Variants in NOXRED1 observed in about 807,000 individuals in gnomAD.
NOXRED1 encodes NADP-dependent oxidoreductase domain-containing protein 1.
In NOXRED1, 20 loss-of-function variants were observed where a neutral mutation model predicts 30.4. That is an observed-to-expected ratio of 0.66 (90% confidence interval 0.46 to 0.96). NOXRED1 has a LOEUF of 0.96. Among genes scored for constraint, NOXRED1 ranks in the 40% least tolerant of loss-of-function variants. The pLI is 0.00. For missense variants in NOXRED1, 374 were observed against 428.0 expected (o/e 0.87, Z 1.11); for synonymous variants, 155 against 168.0 (o/e 0.92, Z 0.60).
chr14:77,405,558 T>A (rs1464661090), intron 5 of NOXRED1, among the ~76,000 whole-genome samples: 2 of 152,220 alleles, frequency 1.3e-5, no homozygotes, highest in African/African-American at 4.8e-5. Context: ...ATGAAGTAGC[T>A]ATGATTGTAC....
intron 2 of NOXRED1, among the ~76,000 whole-genome samples, chr14:77,413,288 G>T (rs940686153): frequency 1.3e-5 from 2 of 150,392 alleles, no homozygotes; most frequent in African/African-American, 4.9e-5. Flanking sequence ...CTCCAGGCTG[G>T]AGTGCAGTGG....
intron 2 of NOXRED1, 114 bp from the exon 3 acceptor site, chr14:77,407,759 T>A (rs1475098695): frequency 1.4e-6 from 1 of 707,876 alleles, no homozygotes; most frequent in African/African-American, 1.8e-5. Context: ...CCCATCTTAT[T>A]GCTCCATAAA....
At chr14:77,411,469 CA>C (rs368123770) in intron 2 of NOXRED1, among the ~76,000 whole-genome samples, 1,355 of 97,542 alleles carry the variant, frequency 0.014, 7 homozygotes, top group African/African-American at 0.044. Context: ...GACTCTGTCT[CA>C]AAAAAAAAAA....
upstream of NOXRED1, among the ~76,000 whole-genome samples, chr14:77,424,554 T>C (rs7152161): frequency 0.016 from 2,419 of 152,250 alleles, 31 homozygotes; most frequent in Admixed American, 0.041. Flanking sequence ...CTAAGAAACA[T>C]TTTCTTACAC....
chr14:77,407,089 C>A (rs1261182649), intron 3 of NOXRED1, among the ~76,000 whole-genome samples: 1 of 152,198 alleles, frequency 6.6e-6, no homozygotes, highest in Non-Finnish European at 1.5e-5. Context: ...AGGCACTGGG[C>A]TAGAAACTAA....
At chr14:77,416,283 G>T (rs1057341920) in intron 1 of NOXRED1, among the ~76,000 whole-genome samples, 1 of 152,302 alleles carries the variant, frequency 6.6e-6, no homozygotes, top group Middle Eastern at 3.4e-3. Context: ...GGACAATAGC[G>T]TGGGAAGGTC....
intron 5 of NOXRED1, among the ~76,000 whole-genome samples, chr14:77,401,008 G>A (rs150355544): frequency 3.2e-4 from 49 of 152,300 alleles, no homozygotes; most frequent in African/African-American, 1.1e-3. Flanking sequence ...CTTCCCAACT[G>A]AACTACACAT....
intron 5 of NOXRED1, among the ~76,000 whole-genome samples, chr14:77,401,024 G>C (rs921447978): frequency 6.6e-6 from 1 of 152,152 alleles, no homozygotes. Flanking sequence ...CACATTCAAC[G>C]CAATGCCAAT....
intron 4 of NOXRED1, 178 bp from the exon 5 acceptor site, chr14:77,406,313 A>G: frequency 1.6e-6 from 1 of 607,808 alleles, no homozygotes; most frequent in South Asian, 2.0e-5. Context: ...TGCCCTTTAT[A>G]ACACATCATG....
In NOXRED1 at chr14:77,394,605, G is replaced by T. The variant is rs764023789; in HGVS notation, c.*26C>A. 6.3e-7 allele frequency: 1 copy of T among 1,588,194 alleles called. No homozygotes were observed. The highest frequency in any genetic ancestry group is 1.7e-5 in the Admixed American group (1 of 58,452). ...TATTATAGGGAAAATCTGTGAGTGGGAAAAAATCCTGATTCCTGAGTTCTC... is the reference window on the plus strand; with the variant it reads ...TATTATAGGGAAAATCTGTGAGTGGTAAAAAATCCTGATTCCTGAGTTCTC... On this transcript the variant is annotated 3_prime_UTR_variant, in exon 6 of 6. Coordinates refer to ENST00000380835, the MANE Select transcript of NOXRED1 (RefSeq NM_001113475.3).
At chr14:77,421,287 G>A (rs1224611480) in intron 1 of NOXRED1, among the ~76,000 whole-genome samples, 1 of 152,194 alleles carries the variant, frequency 6.6e-6, no homozygotes, top group Admixed American at 6.5e-5. Context: ...GTGCTTGCTG[G>A]AGGTTTCATA....
In NOXRED1 at chr14:77,394,107, A is replaced by T. The variant is rs1232415523; in HGVS notation, c.*524T>A. The T allele has an allele frequency of 6.6e-6, 1 of 152,262 alleles. No homozygotes were observed. Among genetic ancestry groups the T allele is most frequent in the Non-Finnish European group, 1.5e-5 (1 of 68,060 alleles). 9.4% of individuals were successfully genotyped at this position (152,262 alleles called of 1,614,324 possible). On this transcript the variant is annotated 3_prime_UTR_variant, in exon 6 of 6. Transcript: ENST00000380835. ...ATGGTTTAAATGGGAACAGCTGTAA[A>T]TAAGATAGTACCAGAACAGTCATAT...
In NOXRED1 at chr14:77,407,021, T is replaced by C. The variant is rs1894487824; in HGVS notation, c.531-146A>G. On this transcript the variant is annotated intron_variant, in intron 3 of 5. Transcript: ENST00000380835. The stretch of plus-strand genomic sequence containing the variant: ...GGGTCTGGGTCTGTGCTGAGAGCAC[T>C]AATTAACTGGACTGTTCATCCACCT... 5.8e-6 allele frequency: 4 copies of C among 686,474 alleles called. No individual in the cohort carries two copies. The East Asian group carries it at 1.1e-4, about 19-fold the overall frequency. The allele number at this position is 686,474 out of a possible 1,614,324, so 42.5% of individuals were successfully genotyped here.
chr14:77,417,004 T>C (rs1894846258), intron 1 of NOXRED1, among the ~76,000 whole-genome samples: 1 of 152,232 alleles, frequency 6.6e-6, no homozygotes. Context: ...GTTTTCATTT[T>C]CACTTAAGAT....
At chr14:77,422,698 T>G (rs949555121) in intron 1 of NOXRED1, 37 bp downstream of exon 1, 1 of 1,599,824 alleles carries the variant, frequency 6.3e-7, no homozygotes, top group Admixed American at 1.7e-5. Flanking sequence ...GCAGTGAGAT[T>G]CTTGTCCATC....
Position 77,422,922 on chromosome 14 carries a change from C to A in NOXRED1, c.-33G>T. On this transcript the variant is annotated 5_prime_UTR_variant, in exon 1 of 6. Coordinates refer to ENST00000380835, the MANE Select transcript of NOXRED1 (RefSeq NM_001113475.3). The stretch of plus-strand genomic sequence containing the variant: ...CCACTATTTCCTGCAGTGATAGACA[C>A]TAATCAATTTGGCTCCCTGTCCCGG... 1.9e-6 allele frequency: 3 copies of A among 1,590,592 alleles called. No individual in the cohort carries two copies. Among genetic ancestry groups the A allele is most frequent in the Non-Finnish European group, 1.7e-6 (2 of 1,167,746 alleles).
intron 5 of NOXRED1, among the ~76,000 whole-genome samples, chr14:77,399,354 G>A (rs1594868563): frequency 1.3e-5 from 2 of 152,264 alleles, no homozygotes; most frequent in Middle Eastern, 6.8e-3. Context: ...CTCGGGAGAG[G>A]TGGGAGGATC....
chr14:77,408,974 C>G (rs1894565995), intron 2 of NOXRED1, among the ~76,000 whole-genome samples: 1 of 4,348 alleles, frequency 2.3e-4, no homozygotes, highest in Non-Finnish European at 4.7e-4. Context: ...TCAAGTGATC[C>G]CCCTGCCATA....
intron 5 of NOXRED1, among the ~76,000 whole-genome samples, chr14:77,402,255 A>T (rs1487631853): frequency 1.3e-5 from 2 of 152,272 alleles, no homozygotes; most frequent in Admixed American, 6.5e-5. Context: ...ATGAAAACAT[A>T]AGCCACAGAC....
Sources: allele counts gnomAD v4.1 joint callset (sites outside exome capture counted in the v4.1 genomes callset), GRCh38; gene constraint gnomAD v4.1.1; transcripts MANE v1.5; gene names NCBI Gene and HGNC (gene_info 2026-07-23, HGNC 2026-07-21).